CAMTA2: variants seen among roughly 807,000 people sequenced by gnomAD.
The protein encoded by CAMTA2 is calmodulin binding transcription activator 2.
Under a neutral mutation model 135.7 loss-of-function variants are expected in CAMTA2, and 56 were observed. The observed-to-expected ratio is 0.41, with a 90% CI of 0.33 to 0.52. The LOEUF is 0.52. Among genes scored for constraint, CAMTA2 ranks in the 20% least tolerant of loss-of-function variants. CAMTA2 has a pLI of 0.16. For missense variants in CAMTA2, 1,358 were observed against 1,553.4 expected (o/e 0.87, Z 2.11); for synonymous variants, 591 against 604.6 (o/e 0.98, Z 0.33).
rs35328623 is a variant in CAMTA2, at chr17:4,980,891, A to AT, written c.701-271_701-270insA. ...GGGAGAGTAGCTAAAAGCAAAAGTTAAAGGCATAGGAAAAGGACAAAAGAA... is the reference window on the plus strand; with the variant it reads ...GGGAGAGTAGCTAAAAGCAAAAGTTATAAGGCATAGGAAAAGGACAAAAGAA... On this transcript the variant is annotated intron_variant, in intron 8 of 22. Transcript: ENST00000348066. This position sits in a 1 kb window ranked among gnomAD's most constrained non-coding sequence, Gnocchi z 5.3. Among the ~76,000 whole-genome samples the AT allele has an allele frequency of 0.016, 2,477 of 152,298 alleles. 34 individuals carry two copies. Among genetic ancestry groups the AT allele is most frequent in the Non-Finnish European group, 0.026 (1,744 of 68,030 alleles).
rs777690489 is a variant in CAMTA2 at position 4,979,897 on chromosome 17, G to C, written c.1425C>G (p.Pro475=). 2 of 1,613,694 alleles carry C rather than the reference G, an allele frequency of 1.2e-6. No individual in the cohort carries two copies. Among genetic ancestry groups the C allele is most frequent in the South Asian group, 1.1e-5 (1 of 91,062 alleles). The change falls in exon 9 of 23, where the codon CCC becomes CCG. Residue 475 remains proline (P), a synonymous_variant. Transcript: ENST00000348066. ...PPPSPPPSPA[P]LEPSSRVGRG... ...TTCCTACCCTGCTTGACGGCTCCAA[G>C]GGGGCAGGTGAGGGTGGGGGTGAGG...
chr17:4,978,140 T>C (rs1972733063), intron 10 of CAMTA2, among the ~76,000 whole-genome samples: 1 of 152,236 alleles, frequency 6.6e-6, no homozygotes, highest in Admixed American at 6.5e-5. Context: ...TCATTCCCCC[T>C]GGATTGGAGT....
In CAMTA2 at chr17:4,968,590, A is replaced by G. The variant is rs540481695; in HGVS notation, c.*166T>C. 6 of 690,858 alleles carry G rather than the reference A, an allele frequency of 8.7e-6. No homozygotes were observed. Among genetic ancestry groups the G allele is most frequent in the African/African-American group, 3.6e-5 (2 of 55,872 alleles). The allele number at this position is 690,858 out of a possible 1,614,324, so 42.8% of individuals were successfully genotyped here. The stretch of plus-strand genomic sequence containing the variant: ...GGGCACGACCAGGAGGGACGAGGAG[A>G]GGGGTGTGGGAGCAAGGCGTGGGGA... On this transcript the variant is annotated 3_prime_UTR_variant, in exon 23 of 23. Transcript: ENST00000348066.
intron 11 of CAMTA2, among the ~76,000 whole-genome samples, chr17:4,976,631 G>A (rs1362992092): frequency 6.6e-6 from 1 of 152,166 alleles, no homozygotes; most frequent in Non-Finnish European, 1.5e-5. Context: ...AACCCAGGAG[G>A]TGGAGGTTGC....
intron 4 of CAMTA2, 28 bp from the exon 5 acceptor site, chr17:4,982,920 T>G (rs1973049977): frequency 6.2e-7 from 1 of 1,614,156 alleles, no homozygotes; most frequent in Admixed American, 1.7e-5. Context: ...GCCCTGGAGT[T>G]CTGTGAACAG....
Position 4,982,177 on chromosome 17 carries a change from T to A in CAMTA2, c.340-17A>T. The A allele has an allele frequency of 3.3e-6, 2 of 609,548 alleles. No individual in the cohort carries two copies. Among genetic ancestry groups the A allele is most frequent in the Non-Finnish European group, 6.0e-6 (2 of 335,940 alleles). 37.8% of individuals were successfully genotyped at this position (609,548 alleles called of 1,614,324 possible). Reference sequence around the variant, plus strand: ...ATAGAGACACTGCCAGGAGACAGGCTGGGGTGGGGGGAGGGCTAGTCTGCT... The same window carrying A: ...ATAGAGACACTGCCAGGAGACAGGCAGGGGTGGGGGGAGGGCTAGTCTGCT... On this transcript the variant is annotated splice_polypyrimidine_tract_variant and intron_variant, in intron 5 of 22. Transcript: ENST00000348066.
At position 4,973,688 on chromosome 17, in the gene CAMTA2, G is replaced by T; in HGVS notation, c.2098C>A (p.Pro700Thr). The T allele has an allele frequency of 6.2e-7, 1 of 1,614,234 alleles. No homozygotes were observed. Among genetic ancestry groups the T allele is most frequent in the Non-Finnish European group, 8.5e-7 (1 of 1,180,030 alleles). ...GGGCTTCCATGGGCCAGACGTTCAGGACCCTTCCAGGTGGAGCGTGGGATC... is the reference window on the plus strand; with the variant it reads ...GGGCTTCCATGGGCCAGACGTTCAGTACCCTTCCAGGTGGAGCGTGGGATC... The part of the protein sequence containing the change: ...SMIPRSTWKG[P>T]ERLAHGSPFR... Residue 700 changes from proline to threonine, a missense_variant, in exon 13 of 23, where the codon CCT becomes ACT. Pro to Thr is a conservative substitution (Grantham distance 38). Around this residue, in one of 4 missense-constraint regions of CAMTA2, gnomAD observed 1,077 missense variants for 1,127.5 expected, o/e 0.96. Coordinates refer to ENST00000348066, the MANE Select transcript of CAMTA2 (RefSeq NM_015099.4).
Position 4,968,583 on chromosome 17 carries a change from C to G in CAMTA2, c.*173G>C. On this transcript the variant is annotated 3_prime_UTR_variant, in exon 23 of 23. Transcript: ENST00000348066. ...AGAGACGGGGCACGACCAGGAGGGA[C>G]GAGGAGAGGGGTGTGGGAGCAAGGC... 1.5e-6 allele frequency: 1 copy of G among 671,392 alleles called. No homozygotes were observed. Among genetic ancestry groups the G allele is most frequent in the East Asian group, 2.7e-5 (1 of 36,630 alleles). 41.6% of individuals were successfully genotyped at this position (671,392 alleles called of 1,614,324 possible).
Position 4,985,807 on chromosome 17 carries a change from A to C in CAMTA2, c.135+73T>G, listed in dbSNP as rs1434675782. ...CACTTAGGAGTGTTGACAGACACGG[A>C]AAGACCCCCCACTCACCCTCCTCCA... On this transcript the variant is annotated intron_variant, in intron 3 of 22. Coordinates refer to ENST00000348066, the MANE Select transcript of CAMTA2 (RefSeq NM_015099.4). 3 of 911,864 alleles carry C rather than the reference A, an allele frequency of 3.3e-6. No homozygotes were observed. In the East Asian group the frequency reaches 7.2e-5, roughly 22 times the overall value. The allele number at this position is 911,864 out of a possible 1,614,324, so 56.5% of individuals were successfully genotyped here.
At chr17:4,974,055 TTCTCTGAGCCTTAGCCC>T in intron 12 of CAMTA2, 1 of 532,608 alleles carries the variant, frequency 1.9e-6, no homozygotes, top group East Asian at 3.3e-5. Context: ...AGCCAGAGCC[TTCTCTGAGCCTTAGCCC>T]TCTTCTTTCA....
Position 4,968,887 on chromosome 17 carries a change from G to T in CAMTA2, c.3545+20C>A. The T allele has an allele frequency of 1.2e-6, 2 of 1,613,682 alleles. No homozygotes were observed. Among genetic ancestry groups the T allele is most frequent in the South Asian group, 2.2e-5 (2 of 91,066 alleles). On this transcript the variant is annotated intron_variant, in intron 22 of 22. Coordinates refer to ENST00000348066, the MANE Select transcript of CAMTA2 (RefSeq NM_015099.4). ...CGACGGGTGGCAACGCAAAAGCCCA[G>T]GGGGAGAAGGGATGAGTACCTGTGT...
intron 8 of CAMTA2, 111 bp downstream of exon 8, chr17:4,981,114 A>G: frequency 3.0e-6 from 4 of 1,354,080 alleles, no homozygotes; most frequent in Admixed American, 2.0e-5. Context: ...GGGACATGCA[A>G]AAGACTTGCA....
In CAMTA2 at chr17:4,972,213, C is replaced by A; in HGVS notation, c.2808+19G>T. ...TACTCCACTTCTAGCCCCCATAACT[C>A]CATCAATATAAGCAGTACCGGGATC... On this transcript the variant is annotated intron_variant, in intron 16 of 22. Transcript: ENST00000348066. 6.2e-7 allele frequency: 1 copy of A among 1,600,812 alleles called. No individual in the cohort carries two copies. The highest frequency in any genetic ancestry group is 8.5e-7 in the Non-Finnish European group (1 of 1,171,126).
chr17:4,975,909 A>C (rs1972583934), intron 11 of CAMTA2, among the ~76,000 whole-genome samples: 1 of 152,240 alleles, frequency 6.6e-6, no homozygotes, highest in Non-Finnish European at 1.5e-5. Flanking sequence ...AAATAAATAC[A>C]CACACACATA....
Position 4,981,368 on chromosome 17 carries a change from G to A in CAMTA2, c.566-9C>T. On this transcript the variant is annotated splice_polypyrimidine_tract_variant and intron_variant, in intron 7 of 22. Coordinates refer to ENST00000348066, the MANE Select transcript of CAMTA2 (RefSeq NM_015099.4). ...CCACTTGATGCCATGAACTAGAGAA[G>A]TTAGGGGGAAGTGCTGTGGGATCCC... The A allele has an allele frequency of 6.2e-7, 1 of 1,613,610 alleles. No homozygotes were observed. The highest frequency in any genetic ancestry group is 1.1e-5 in the South Asian group (1 of 91,058).
chr17:4,983,243 T>C (rs1973072021), intron 3 of CAMTA2, 200 bp from the exon 4 acceptor site: 1 of 558,500 alleles, frequency 1.8e-6, no homozygotes, highest in Admixed American at 3.2e-5. Flanking sequence ...TAACATTTTT[T>C]TGTGAATTAT....
rs1176116267 is a variant in CAMTA2, at chr17:4,974,435, C to T, written c.1966G>A (p.Ala656Thr). Residue 656 changes from alanine to threonine, a missense_variant, in exon 12 of 23, where the codon GCA becomes ACA. By Grantham distance (58) the Ala-to-Thr change is moderately conservative (BLOSUM62 0). Around this residue, in one of 4 missense-constraint regions of CAMTA2, gnomAD observed 1,077 missense variants for 1,127.5 expected, o/e 0.96. Transcript: ENST00000348066. ...EQMEKRMAEIAAAGQVPCQGP... is the reference protein window; with the variant it reads ...EQMEKRMAEITAAGQVPCQGP... ...TGGCAAGGCACCTGCCCAGCTGCTG[C>T]GATCTCTGCCATCCGCTTCTCCATC... 3.0e-5 allele frequency: 48 copies of T among 1,613,840 alleles called. No individual in the cohort carries two copies. In the Admixed American group the frequency reaches 5.5e-4, roughly 18 times the overall value.
Position 4,980,568 on chromosome 17 carries a change from G to T in CAMTA2, c.754C>A (p.Pro252Thr), listed in dbSNP as rs1597764390. 3.7e-6 allele frequency: 6 copies of T among 1,614,058 alleles called. No homozygotes were observed. Among genetic ancestry groups the T allele is most frequent in the Non-Finnish European group, 5.1e-6 (6 of 1,179,986 alleles). ...CSSTKHRIISPKVEPRALTLT... is the reference protein window; with the variant it reads ...CSSTKHRIISTKVEPRALTLT... ...GTTAAAGCTCGGGGCTCCACTTTGGGAGAGATGATGCGGTGTTTCGTGCTG... is the reference window on the plus strand; with the variant it reads ...GTTAAAGCTCGGGGCTCCACTTTGGTAGAGATGATGCGGTGTTTCGTGCTG... The change falls in exon 9 of 23, where the codon CCC becomes ACC. Residue 252 changes from proline (P) to threonine (T), a missense_variant. Physicochemically the swap from Pro to Thr is conservative, Grantham distance 38. Transcript: ENST00000348066. This position sits in a 1 kb window ranked among gnomAD's most constrained non-coding sequence, Gnocchi z 5.3.
intron 17 of CAMTA2, 96 bp downstream of exon 17, chr17:4,970,244 C>T (rs1037081576): frequency 9.2e-5 from 136 of 1,485,792 alleles, no homozygotes; most frequent in Non-Finnish European, 1.2e-4. Context: ...CCTGGGGCCT[C>T]AGCCAGAATG....
Sources: gnomAD v4.1 joint callset for allele counts (sites outside exome capture counted in the v4.1 genomes callset) on GRCh38, gnomAD v4.1.1 for gene constraint, gnomAD v4.1.1 regional missense constraint, Gnocchi (gnomAD v3.1) non-coding constraint, MANE v1.5 for transcripts, NCBI Gene and HGNC (gene_info 2026-07-23, HGNC 2026-07-21) for gene names.